The following MDFIC2 variants were observed in gnomAD, a reference collection of about 807,000 sequenced individuals.
MDFIC2 encodes MyoD family inhibitor domain containing 2, also known as myoD family inhibitor domain-containing protein 2.
intron 2 of MDFIC2, among the ~76,000 whole-genome samples, chr3:70,251,484 AC>A (rs1481159751): frequency 6.6e-6 from 1 of 152,160 alleles, no homozygotes; most frequent in African/African-American, 2.4e-5. Context: ...ATTGGTCTAC[AC>A]TTTTTCATTC....
chr3:70,305,596 G>C (rs550610849), intron 2 of MDFIC2, among the ~76,000 whole-genome samples: 1 of 152,224 alleles, frequency 6.6e-6, no homozygotes, highest in Admixed American at 6.5e-5. Flanking sequence ...TGGCATCTTT[G>C]TTTCTTTGTC....
chr3:70,194,793 G>A lies in MDFIC2; in HGVS notation c.*2133C>T, dbSNP rs952879183. ...AATTGAAATATTTAACACCAATATG[G>A]CATGGCCTCACCAATGATACCAGGT... On this transcript the variant is annotated 3_prime_UTR_variant, in exon 4 of 4. Transcript: ENST00000567252. Among the ~76,000 whole-genome samples the A allele has an allele frequency of 6.6e-6, 1 of 152,088 alleles. No homozygotes were observed. The highest frequency in any genetic ancestry group is 2.4e-5 in the African/African-American group (1 of 41,408).
intron 2 of MDFIC2, among the ~76,000 whole-genome samples, chr3:70,276,756 A>G (rs1298525318): frequency 6.6e-6 from 1 of 152,250 alleles, no homozygotes; most frequent in Non-Finnish European, 1.5e-5. Flanking sequence ...TTTTCACACT[A>G]TAATGGCAGA....
intron 2 of MDFIC2, among the ~76,000 whole-genome samples, chr3:70,254,080 AT>A (rs1278428855): frequency 3.9e-5 from 6 of 152,156 alleles, no homozygotes; most frequent in Non-Finnish European, 8.8e-5. Context: ...GCATATTTAT[AT>A]TTTTAATATT....
chr3:70,269,129 G>C (rs1461466453), intron 2 of MDFIC2, among the ~76,000 whole-genome samples: 2 of 151,994 alleles, frequency 1.3e-5, no homozygotes, highest in Admixed American at 1.3e-4. Context: ...ATATTTACAA[G>C]GCTGACATAT....
At chr3:70,290,141 T>C (rs1213565790) in intron 2 of MDFIC2, among the ~76,000 whole-genome samples, 1 of 152,082 alleles carries the variant, frequency 6.6e-6, no homozygotes, top group African/African-American at 2.4e-5. Flanking sequence ...GCGCTCTGCT[T>C]TTTAGAGTTT....
At chr3:70,202,358 T>C (rs1294187354) in intron 3 of MDFIC2, among the ~76,000 whole-genome samples, 1 of 152,174 alleles carries the variant, frequency 6.6e-6, no homozygotes. Flanking sequence ...TTAGTACTAG[T>C]GGTCTCCAAG....
intron 2 of MDFIC2, among the ~76,000 whole-genome samples, chr3:70,286,433 C>A (rs1464588549): frequency 3.3e-5 from 5 of 151,768 alleles, no homozygotes; most frequent in African/African-American, 9.7e-5. Flanking sequence ...TGTTTTGGTA[C>A]CAGTACCATG....
rs935645578 is a variant in MDFIC2, at chr3:70,311,812, C to T, written c.88+74G>A. The T allele has an allele frequency of 5.6e-5, 22 of 394,296 alleles. No individual in the cohort carries two copies. In the Middle Eastern group the frequency reaches 2.5e-3, roughly 45 times the overall value. 24.4% of individuals were successfully genotyped at this position (394,296 alleles called of 1,614,324 possible). A position where few individuals can be genotyped will look rare whatever the true frequency, so the allele number is the denominator to read the frequency against. On this transcript the variant is annotated intron_variant, in intron 2 of 3. Coordinates refer to ENST00000567252, the MANE Select transcript of MDFIC2 (RefSeq NM_001364677.1). The stretch of plus-strand genomic sequence containing the variant: ...ACGGTCAGGACAATTTCCTCCTTCT[C>T]CCACACTATTCCTTGCTTATAAACA...
At position 70,236,660 on chromosome 3, in the gene MDFIC2, A is replaced by G. The variant is rs756448744; in HGVS notation, c.89-29870T>C. Among the ~76,000 whole-genome samples, 5 of 152,140 alleles carry G rather than the reference A, an allele frequency of 3.3e-5. No homozygotes were observed. The South Asian group carries it at 6.2e-4, about 19-fold the overall frequency. Reference sequence around the variant, plus strand: ...ACCCAGGCTGGAGTGCAGCGGCACAATCATGGCTCGCTGCAGTCTCAACCT... The same window carrying G: ...ACCCAGGCTGGAGTGCAGCGGCACAGTCATGGCTCGCTGCAGTCTCAACCT... On this transcript the variant is annotated intron_variant, in intron 2 of 3. Coordinates refer to ENST00000567252, the MANE Select transcript of MDFIC2 (RefSeq NM_001364677.1).
intron 2 of MDFIC2, among the ~76,000 whole-genome samples, chr3:70,300,547 T>A (rs1559558120): frequency 6.6e-6 from 1 of 152,146 alleles, no homozygotes; most frequent in Middle Eastern, 3.4e-3. Context: ...CCTTTAACCA[T>A]GTTACTTTTC....
intron 2 of MDFIC2, among the ~76,000 whole-genome samples, chr3:70,267,578 A>ATT (rs377637066): frequency 0.47 from 62,528 of 132,046 alleles, 15,220 homozygotes; most frequent in East Asian, 0.66. Flanking sequence ...AATTTTTTGT[A>ATT]TTTTTTTTTT....
At chr3:70,200,389 T>C (rs1453197784) in intron 3 of MDFIC2, among the ~76,000 whole-genome samples, 5 of 152,184 alleles carry the variant, frequency 3.3e-5, no homozygotes, top group Non-Finnish European at 5.9e-5. Context: ...CTGGACCTAC[T>C]TTACTTACTT....
intron 2 of MDFIC2, among the ~76,000 whole-genome samples, chr3:70,218,028 A>G (rs1701431340): frequency 6.6e-6 from 1 of 152,158 alleles, no homozygotes; most frequent in South Asian, 2.1e-4. Flanking sequence ...GGAGCAAATC[A>G]TATGCTTATT....
chr3:70,253,095 C>T (rs1333531414), intron 2 of MDFIC2, among the ~76,000 whole-genome samples: 1 of 151,426 alleles, frequency 6.6e-6, no homozygotes, highest in Non-Finnish European at 1.5e-5. Context: ...AAAAAAAAAT[C>T]GAAGAGAAAC....
chr3:70,228,706 A>G (rs1187273331), intron 2 of MDFIC2, among the ~76,000 whole-genome samples: 1 of 151,682 alleles, frequency 6.6e-6, no homozygotes, highest in African/African-American at 2.4e-5. Context: ...TTGATGAAGG[A>G]AATGTATATT....
chr3:70,311,614 A>G lies in MDFIC2; in HGVS notation c.88+272T>C, dbSNP rs528500354. On this transcript the variant is annotated intron_variant, in intron 2 of 3. Transcript: ENST00000567252. Reference sequence around the variant, plus strand: ...ACTGCAAAGACCTCACAGATAATATAAGTCTGAGTAGAAAATGCATATTAA... The same window carrying G: ...ACTGCAAAGACCTCACAGATAATATGAGTCTGAGTAGAAAATGCATATTAA... Among the ~76,000 whole-genome samples the G allele has an allele frequency of 2.6e-5, 4 of 152,304 alleles. No individual in the cohort carries two copies. In the South Asian group the frequency reaches 6.2e-4, roughly 24 times the overall value.
At chr3:70,273,965 A>G (rs1701997853) in intron 2 of MDFIC2, among the ~76,000 whole-genome samples, 1 of 151,884 alleles carries the variant, frequency 6.6e-6, no homozygotes, top group African/African-American at 2.4e-5. Flanking sequence ...CCCGGCCCAG[A>G]ATTTTCTTTT....
At chr3:70,263,683 A>G (rs1455205370) in intron 2 of MDFIC2, among the ~76,000 whole-genome samples, 1 of 152,148 alleles carries the variant, frequency 6.6e-6, no homozygotes, top group East Asian at 1.9e-4. Context: ...ATATTTATCT[A>G]CCGAGCTCCC....
Sources: gnomAD v4.1 joint callset for allele counts (sites outside exome capture counted in the v4.1 genomes callset) on GRCh38, gnomAD v4.1.1 for gene constraint, MANE v1.5 for transcripts, NCBI Gene and HGNC (gene_info 2026-07-23, HGNC 2026-07-21) for gene names.